STK32B: variants seen among roughly 807,000 people sequenced by gnomAD.
The protein encoded by STK32B is serine/threonine kinase 32B.
A neutral mutation model predicts 52.6 loss-of-function variants in STK32B; 43 were observed. The observed-to-expected ratio is 0.82, with a 90% CI of 0.64 to 1.05. The LOEUF is 1.05. Among genes scored for constraint, STK32B ranks in the 50% least tolerant of loss-of-function variants. The probability of loss-of-function intolerance (pLI) is 0.00; values close to 1 mark genes in which losing one functional copy is unlikely to be tolerated. For missense variants in STK32B, 621 were observed against 534.6 expected (o/e 1.16, Z -1.59); for synonymous variants, 238 against 204.3 (o/e 1.17, Z -1.41).
chr4:5,173,557 A>G (rs1719570286), intron 3 of STK32B, among the ~76,000 whole-genome samples: 1 of 152,042 alleles, frequency 6.6e-6, no homozygotes, highest in Non-Finnish European at 1.5e-5. Flanking sequence ...TCATTTCGTT[A>G]TGTACCCAGT....
chr4:5,304,423 GT>G (rs200953192), intron 3 of STK32B, among the ~76,000 whole-genome samples: 19,392 of 137,264 alleles, frequency 0.14, 2,855 homozygotes, highest in African/African-American at 0.37. Flanking sequence ...GTATTTTATG[GT>G]TTTTTTTTTT....
intron 11 of STK32B, among the ~76,000 whole-genome samples, chr4:5,480,648 T>C (rs535263258): frequency 4.1e-4 from 62 of 152,222 alleles, no homozygotes; most frequent in African/African-American, 1.5e-3. Context: ...TAGTTACATT[T>C]GTGTACATGT....
At chr4:5,348,687 T>C (rs1733632602) in intron 4 of STK32B, among the ~76,000 whole-genome samples, 1 of 152,210 alleles carries the variant, frequency 6.6e-6, no homozygotes, top group Admixed American at 6.5e-5. Flanking sequence ...GCACAGCCAC[T>C]GCCACCTTCA....
At chr4:5,488,529 T>C (rs1192502059) in intron 11 of STK32B, among the ~76,000 whole-genome samples, 1 of 152,170 alleles carries the variant, frequency 6.6e-6, no homozygotes, top group African/African-American at 2.4e-5. Context: ...ACCTTTTAAT[T>C]GTAGTCAACT....
At chr4:5,322,318 A>G (rs1272582063) in intron 3 of STK32B, among the ~76,000 whole-genome samples, 2 of 152,150 alleles carry the variant, frequency 1.3e-5, no homozygotes, top group South Asian at 2.1e-4. Context: ...GTGTGAGGCT[A>G]TTCTTAGCTC....
At chr4:5,270,068 T>TA (rs886183265) in intron 3 of STK32B, among the ~76,000 whole-genome samples, 15 of 152,302 alleles carry the variant, frequency 9.8e-5, no homozygotes, top group East Asian at 9.7e-4. Context: ...TCATTCCTGG[T>TA]AAAAAACTCA....
Position 5,500,566 on chromosome 4 carries a change from AC to A in STK32B, c.*1484del, listed in dbSNP as rs1181570689. ...TTTTTTCATCCAACTTCCATTTTTC[AC>A]TTTTTACATGATTACTCAATCCTTG... On this transcript the variant is annotated 3_prime_UTR_variant, in exon 12 of 12. Transcript: ENST00000282908. The A allele has an allele frequency of 6.6e-6, 1 of 151,884 alleles. No individual in the cohort carries two copies. Among genetic ancestry groups the A allele is most frequent in the Non-Finnish European group, 1.5e-5 (1 of 67,980 alleles). The allele number at this position is 151,884 out of a possible 1,614,324, so 9.4% of individuals were successfully genotyped here.
intron 1 of STK32B, among the ~76,000 whole-genome samples, chr4:5,130,462 C>T (rs1408275399): frequency 5.9e-5 from 9 of 152,010 alleles, no homozygotes; most frequent in Admixed American, 1.3e-4. Flanking sequence ...CTTGGGCTGT[C>T]GGCTTTGAGA....
At position 5,460,968 on chromosome 4, in the gene STK32B, A is replaced by G. The variant is rs1263521763; in HGVS notation, c.909+740A>G. ...AGTGAAAGCATTGGATTTACATTTT[A>G]AAGGAGGGTTCTGGCAGGAGCTGGA... is the stretch of plus-strand genomic sequence containing the variant. On this transcript the variant is annotated intron_variant, in intron 9 of 11. Transcript: ENST00000282908. This position sits in a 1 kb window ranked among gnomAD's most constrained non-coding sequence, Gnocchi z 4.8. Among the ~76,000 whole-genome samples the G allele has an allele frequency of 6.6e-6, 1 of 152,210 alleles. No individual in the cohort carries two copies. Among genetic ancestry groups the G allele is most frequent in the Non-Finnish European group, 1.5e-5 (1 of 68,028 alleles).
chr4:5,253,863 A>C (rs1726117329), intron 3 of STK32B, among the ~76,000 whole-genome samples: 1 of 152,214 alleles, frequency 6.6e-6, no homozygotes, highest in Non-Finnish European at 1.5e-5. Flanking sequence ...TGTTGTTTTG[A>C]GCATTACATG....
intron 3 of STK32B, among the ~76,000 whole-genome samples, chr4:5,184,015 T>C (rs1159624418): frequency 6.6e-6 from 1 of 152,206 alleles, no homozygotes; most frequent in Non-Finnish European, 1.5e-5. Flanking sequence ...CAGTTTCTCT[T>C]CTTTATCATT....
rs1491580576 is a variant in STK32B at position 5,313,603 on chromosome 4, AAC to A, written c.261-17615_261-17614del. On this transcript the variant is annotated intron_variant, in intron 3 of 11. Transcript: ENST00000282908. Reference sequence around the variant, plus strand: ...GATGGCATAGTTATTTACATTAAAAAACAAAGAATTTATTAAAATTAAAATAT... The same window carrying A: ...GATGGCATAGTTATTTACATTAAAAAAAAGAATTTATTAAAATTAAAATAT... Among the ~76,000 whole-genome samples, 37 of 152,272 alleles carry A rather than the reference AAC, an allele frequency of 2.4e-4. 1 individual carries two copies. The highest frequency in any genetic ancestry group is 8.2e-4 in the African/African-American group (34 of 41,530).
At chr4:5,428,618 T>C (rs1713298409) in intron 6 of STK32B, among the ~76,000 whole-genome samples, 1 of 152,216 alleles carries the variant, frequency 6.6e-6, no homozygotes, top group East Asian at 1.9e-4. Context: ...AAATATGTAT[T>C]GTCTTCTTTG....
chr4:5,382,502 G>A (rs1735997561), intron 4 of STK32B, among the ~76,000 whole-genome samples: 2 of 151,894 alleles, frequency 1.3e-5, no homozygotes, highest in Admixed American at 6.6e-5. Flanking sequence ...CCTTCCCCTT[G>A]GGTGGCAGGA....
chr4:5,061,906 C>A (rs1742232007), intron 1 of STK32B, among the ~76,000 whole-genome samples: 1 of 152,224 alleles, frequency 6.6e-6, no homozygotes, highest in Non-Finnish European at 1.5e-5. Flanking sequence ...ACTTGCTGTG[C>A]CCATTTCTTT....
chr4:5,412,091 G>A (rs1711737703), intron 5 of STK32B, among the ~76,000 whole-genome samples: 1 of 152,164 alleles, frequency 6.6e-6, no homozygotes, highest in Non-Finnish European at 1.5e-5. Flanking sequence ...TGTGTTCAAA[G>A]AAAGAAGAGA....
intron 8 of STK32B, among the ~76,000 whole-genome samples, chr4:5,457,189 A>G (rs1716607908): frequency 6.7e-6 from 1 of 149,592 alleles, no homozygotes; most frequent in African/African-American, 2.5e-5. Context: ...AAACGGAAAT[A>G]ATGCATGTGG....
intron 3 of STK32B, among the ~76,000 whole-genome samples, chr4:5,206,914 C>A (rs1577193780): frequency 6.6e-6 from 1 of 152,154 alleles, no homozygotes; most frequent in South Asian, 2.1e-4. Context: ...TTCTTCCCAC[C>A]CAAAGTGCCA....
intron 3 of STK32B, among the ~76,000 whole-genome samples, chr4:5,267,974 G>T (rs994459351): frequency 2.0e-5 from 3 of 152,164 alleles, no homozygotes; most frequent in African/African-American, 7.2e-5. Context: ...GATGCTTGGG[G>T]CATGCTCTTG....
Sources: gnomAD v4.1 joint callset for allele counts (sites outside exome capture counted in the v4.1 genomes callset) on GRCh38, gnomAD v4.1.1 for gene constraint, Gnocchi (gnomAD v3.1) non-coding constraint, MANE v1.5 for transcripts, NCBI Gene and HGNC (gene_info 2026-07-23, HGNC 2026-07-21) for gene names.